AGBL4: variants seen among roughly 807,000 people sequenced by gnomAD.
AGBL4 encodes cytosolic carboxypeptidase 6.
AGBL4 carries 58 observed loss-of-function variants against 66.4 expected under a neutral mutation model. The ratio of observed to expected loss-of-function variants is 0.87; its 90% confidence interval spans 0.71 to 1.09. The LOEUF is 1.09. Among genes scored for constraint, AGBL4 ranks in the 50% least tolerant of loss-of-function variants. AGBL4 has a pLI of 0.00. For missense variants in AGBL4, 579 were observed against 631.0 expected (o/e 0.92, Z 0.88); for synonymous variants, 234 against 222.9 (o/e 1.05, Z -0.44).
intron 3 of AGBL4, among the ~76,000 whole-genome samples, chr1:49,286,756 A>G (rs1644420692): frequency 6.6e-6 from 1 of 152,126 alleles, no homozygotes; most frequent in Admixed American, 6.5e-5. Context: ...ATGGGTAGGA[A>G]GAATCAATAT....
At chr1:49,455,874 T>C (rs1036030293) in intron 3 of AGBL4, among the ~76,000 whole-genome samples, 20 of 151,728 alleles carry the variant, frequency 1.3e-4, no homozygotes, top group African/African-American at 4.3e-4. Flanking sequence ...GTACTGGCTA[T>C]ACTCTCTGCA....
intron 3 of AGBL4, among the ~76,000 whole-genome samples, chr1:49,590,083 A>C (rs1344451458): frequency 6.6e-6 from 1 of 152,078 alleles, no homozygotes; most frequent in Non-Finnish European, 1.5e-5. Flanking sequence ...ATAGAAATGT[A>C]TTAAGATATA....
At chr1:49,454,375 TG>T (rs1207713319) in intron 3 of AGBL4, among the ~76,000 whole-genome samples, 1 of 151,778 alleles carries the variant, frequency 6.6e-6, no homozygotes, top group Non-Finnish European at 1.5e-5. Context: ...AGCGGCCAAA[TG>T]TGGAACAGGC....
Position 49,036,544 on chromosome 1 carries a change from C to T in AGBL4, c.594+9040G>A, listed in dbSNP as rs996247710. On this transcript the variant is annotated intron_variant, in intron 5 of 13. Transcript: ENST00000371839. Reference sequence around the variant, plus strand: ...AGAAGACTCATCAAGGGCATGTAGTCAGTGTCTTGATATGATTGTCTTATT... The same window carrying T: ...AGAAGACTCATCAAGGGCATGTAGTTAGTGTCTTGATATGATTGTCTTATT... Among the ~76,000 whole-genome samples the T allele has an allele frequency of 2.0e-5, 3 of 151,952 alleles. No homozygotes were observed. The East Asian group carries it at 5.8e-4, about 29-fold the overall frequency.
At chr1:48,990,372 CAGA>C (rs1441358082) in intron 5 of AGBL4, among the ~76,000 whole-genome samples, 3 of 152,006 alleles carry the variant, frequency 2.0e-5, no homozygotes, top group Admixed American at 1.3e-4. Flanking sequence ...CTTTGCTGTG[CAGA>C]AGGTTTTTAA....
chr1:49,719,803 G>C (rs147605119), intron 2 of AGBL4, among the ~76,000 whole-genome samples: 3 of 152,062 alleles, frequency 2.0e-5, no homozygotes, highest in African/African-American at 7.2e-5. Context: ...TGCTATTCTT[G>C]TGATGTGAGC....
intron 6 of AGBL4, among the ~76,000 whole-genome samples, chr1:48,854,466 T>A (rs985550375): frequency 6.6e-6 from 1 of 152,194 alleles, no homozygotes; most frequent in African/African-American, 2.4e-5. Context: ...GAGCCTCTAG[T>A]AGCCTTAATT....
chr1:49,539,613 C>T (rs1334107790), intron 3 of AGBL4, among the ~76,000 whole-genome samples: 1 of 152,184 alleles, frequency 6.6e-6, no homozygotes, highest in Non-Finnish European at 1.5e-5. Context: ...AAAGTATCTG[C>T]ATAATAAACC....
In AGBL4 at chr1:49,313,648, T is replaced by C. The variant is rs866693520; in HGVS notation, c.283-67784A>G. Among the ~76,000 whole-genome samples, 25 of 152,340 alleles carry C rather than the reference T, an allele frequency of 1.6e-4. 1 individual carries two copies. Among genetic ancestry groups the C allele is most frequent in the South Asian group, 1.0e-3 (5 of 4,828 alleles). ...CTGTGATGATGAGCTTTTTTTCATA[T>C]GTTTGTTGGCCACATAAATGTCTTC... On this transcript the variant is annotated intron_variant, in intron 3 of 13. Transcript: ENST00000371839.
intron 1 of AGBL4, among the ~76,000 whole-genome samples, chr1:49,932,047 A>C (rs1378141159): frequency 1.3e-5 from 2 of 152,208 alleles, no homozygotes; most frequent in Non-Finnish European, 2.9e-5. Context: ...TCAACTGGTA[A>C]CTATAATGGA....
intron 7 of AGBL4, among the ~76,000 whole-genome samples, chr1:48,661,251 G>A (rs1318562510): frequency 6.6e-6 from 1 of 152,218 alleles, no homozygotes; most frequent in African/African-American, 2.4e-5. Flanking sequence ...AGTGGGCCAG[G>A]GAGGCCCACA....
chr1:49,940,557 T>A (rs1654644136), intron 1 of AGBL4, among the ~76,000 whole-genome samples: 1 of 152,172 alleles, frequency 6.6e-6, no homozygotes, highest in Admixed American at 6.5e-5. Context: ...TGTAGGGACA[T>A]GGATGAAACT....
chr1:49,039,510 G>T (rs1005644539), intron 5 of AGBL4, among the ~76,000 whole-genome samples: 1 of 152,016 alleles, frequency 6.6e-6, no homozygotes, highest in African/African-American at 2.4e-5. Context: ...TTCTAAAAAA[G>T]AAAAGAGTAT....
intron 4 of AGBL4, among the ~76,000 whole-genome samples, chr1:49,093,074 G>T (rs902109261): frequency 6.6e-6 from 1 of 152,070 alleles, no homozygotes; most frequent in Non-Finnish European, 1.5e-5. Context: ...TTGCCCTGAG[G>T]TCCTTAGATT....
chr1:49,856,586 T>C (rs1376820250), intron 1 of AGBL4, among the ~76,000 whole-genome samples: 1 of 152,018 alleles, frequency 6.6e-6, no homozygotes, highest in African/African-American at 2.4e-5. Flanking sequence ...CAAAAATCAA[T>C]AAATGTGATA....
At chr1:49,073,944 C>G (rs1336894319) in intron 4 of AGBL4, among the ~76,000 whole-genome samples, 2 of 152,122 alleles carry the variant, frequency 1.3e-5, no homozygotes, top group African/African-American at 4.8e-5. Context: ...TCAGAGATGC[C>G]CAGCCCACGA....
chr1:48,539,068 C>A (rs538760855), intron 12 of AGBL4, among the ~76,000 whole-genome samples: 1 of 152,362 alleles, frequency 6.6e-6, no homozygotes, highest in South Asian at 2.1e-4. Flanking sequence ...CACCTCCTGA[C>A]CTTCTCTCCT....
intron 5 of AGBL4, among the ~76,000 whole-genome samples, chr1:48,965,325 C>G (rs1571115807): frequency 6.6e-6 from 1 of 152,044 alleles, no homozygotes; most frequent in Non-Finnish European, 1.5e-5. Context: ...AAGGAAGTAG[C>G]ATTTAAGCCA....
chr1:49,277,532 C>T (rs1395339098), intron 3 of AGBL4, among the ~76,000 whole-genome samples: 1 of 151,984 alleles, frequency 6.6e-6, no homozygotes, highest in Non-Finnish European at 1.5e-5. Flanking sequence ...GTTATTTTAC[C>T]TTAGTTGATC....
Sources: gnomAD v4.1 joint callset for allele counts (sites outside exome capture counted in the v4.1 genomes callset) on GRCh38, gnomAD v4.1.1 for gene constraint, MANE v1.5 for transcripts, NCBI Gene and HGNC (gene_info 2026-07-23, HGNC 2026-07-21) for gene names.